PTPN9: variants seen among roughly 807,000 people sequenced by gnomAD.
PTPN9 encodes protein tyrosine phosphatase non-receptor type 9.
A neutral mutation model predicts 69.8 loss-of-function variants in PTPN9; 26 were observed. The observed-to-expected ratio is 0.37, with a 90% CI of 0.27 to 0.52. The LOEUF is 0.52. Among genes scored for constraint, PTPN9 ranks in the 20% least tolerant of loss-of-function variants. The probability of loss-of-function intolerance (pLI) is 0.91; values close to 1 mark genes in which losing one functional copy is unlikely to be tolerated. For missense variants in PTPN9, 549 were observed against 740.3 expected (o/e 0.74, Z 3.00); for synonymous variants, 274 against 272.5 (o/e 1.01, Z -0.05).
At chr15:75,480,333 G>A (rs1198643838) in intron 8 of PTPN9, among the ~76,000 whole-genome samples, 1 of 152,156 alleles carries the variant, frequency 6.6e-6, no homozygotes, top group African/African-American at 2.4e-5. Flanking sequence ...TGCCAGGCGC[G>A]GTGGCTCACG....
chr15:75,539,480 G>A (rs1290671424), intron 1 of PTPN9, among the ~76,000 whole-genome samples: 1 of 148,746 alleles, frequency 6.7e-6, no homozygotes, highest in Admixed American at 6.7e-5. Flanking sequence ...CTTTTTGTGT[G>A]TGTTTTTAGT....
chr15:75,468,960 A>G lies in PTPN9; in HGVS notation c.1591T>C (p.Cys531Arg). ...RTGTFCSLDI[C>R]LAQLEELGTL... The stretch of plus-strand genomic sequence containing the variant: ...CCAAGCTCCTCCAGCTGTGCCAGGC[A>G]GATGTCCAGTGAGCAGAAGGTACCT... Residue 531 changes from cysteine to arginine, a missense_variant, in exon 13 of 13, where the codon TGC (cysteine) becomes CGC (arginine). Around this residue, in one of 3 missense-constraint regions of PTPN9, gnomAD observed 457 missense variants for 661.9 expected, o/e 0.69. Transcript: ENST00000618819. 2 of 1,613,726 alleles carry G rather than the reference A, an allele frequency of 1.2e-6. No individual in the cohort carries two copies. Among genetic ancestry groups the G allele is most frequent in the Non-Finnish European group, 1.7e-6 (2 of 1,179,632 alleles).
chr15:75,511,488 T>A (rs927115881), intron 5 of PTPN9, among the ~76,000 whole-genome samples: 4 of 152,230 alleles, frequency 2.6e-5, no homozygotes, highest in African/African-American at 9.6e-5. Flanking sequence ...TCAAGCAATC[T>A]GCCTGCCTTG....
At chr15:75,557,788 C>T (rs2075083933) in intron 1 of PTPN9, among the ~76,000 whole-genome samples, 1 of 152,166 alleles carries the variant, frequency 6.6e-6, no homozygotes. Flanking sequence ...TGACTATTTT[C>T]CAGCTTCAAA....
chr15:75,568,517 A>AC (rs1567529533), intron 1 of PTPN9, among the ~76,000 whole-genome samples: 1 of 146,082 alleles, frequency 6.8e-6, no homozygotes, highest in Non-Finnish European at 1.5e-5. Flanking sequence ...CAAAAAAAAA[A>AC]AAAAAAACAA....
chr15:75,535,924 A>C (rs1166218722), intron 1 of PTPN9, among the ~76,000 whole-genome samples: 1 of 152,238 alleles, frequency 6.6e-6, no homozygotes, highest in Non-Finnish European at 1.5e-5. Context: ...CAAAAAAGGA[A>C]ACAAATCCAG....
chr15:75,490,571 G>T (rs1359274489), intron 7 of PTPN9, among the ~76,000 whole-genome samples: 2 of 152,020 alleles, frequency 1.3e-5, no homozygotes, highest in Non-Finnish European at 2.9e-5. Flanking sequence ...TTGGGAGGCA[G>T]GAGGATTGCT....
At chr15:75,491,402 C>CAA (rs11414287) in intron 7 of PTPN9, among the ~76,000 whole-genome samples, 1,983 of 132,196 alleles carry the variant, frequency 0.015, 14 homozygotes, top group Middle Eastern at 0.032. Flanking sequence ...GACTTTATCT[C>CAA]AAAAAAAAAA....
chr15:75,567,007 C>A (rs550848993), intron 1 of PTPN9, among the ~76,000 whole-genome samples: 51 of 151,656 alleles, frequency 3.4e-4, no homozygotes, highest in Non-Finnish European at 4.1e-4. Flanking sequence ...TCTAAATAGC[C>A]CATTTTTTTT....
rs779869911 is a variant in PTPN9, at chr15:75,465,982, C to T, written c.*2787G>A. 2 of 152,168 alleles carry T rather than the reference C, an allele frequency of 1.3e-5. No individual in the cohort carries two copies. Among genetic ancestry groups the T allele is most frequent in the Non-Finnish European group, 2.9e-5 (2 of 68,026 alleles). 9.4% of individuals were successfully genotyped at this position (152,168 alleles called of 1,614,324 possible). On this transcript the variant is annotated 3_prime_UTR_variant, in exon 13 of 13. Transcript: ENST00000618819. Reference sequence around the variant, plus strand: ...GTGCACTCCCAAGAGAATGGAGGCTCATCTGGAGAAGGAACTAGATTAATC... The same window carrying T: ...GTGCACTCCCAAGAGAATGGAGGCTTATCTGGAGAAGGAACTAGATTAATC...
At chr15:75,563,242 G>GC (rs1488205299) in intron 1 of PTPN9, among the ~76,000 whole-genome samples, 1 of 152,138 alleles carries the variant, frequency 6.6e-6, no homozygotes, top group Non-Finnish European at 1.5e-5. Flanking sequence ...AGTCTAGAGT[G>GC]CAGTGGTGTA....
intron 1 of PTPN9, among the ~76,000 whole-genome samples, chr15:75,552,405 C>G (rs555780583): frequency 6.6e-6 from 1 of 152,082 alleles, no homozygotes; most frequent in African/African-American, 2.4e-5. Flanking sequence ...GAAACTCCGT[C>G]TCAAAAAAAC....
Position 75,470,730 on chromosome 15 carries a change from C to G in PTPN9, c.1309G>C (p.Glu437Gln). ...GTTTTCTTATAATGATTCATGTTCT[C>G]CACGCCTAGATTGGTCACTGTGAGG... is the stretch of plus-strand genomic sequence containing the variant. ...GFLTVTNLGV[E>Q]NMNHYKKTTL... The change falls in exon 11 of 13, where the codon GAG becomes CAG. Residue 437 changes from glutamate (E) to glutamine (Q), a missense_variant. Around this residue, in one of 3 missense-constraint regions of PTPN9, gnomAD observed 457 missense variants for 661.9 expected, o/e 0.69. Coordinates refer to ENST00000618819, the MANE Select transcript of PTPN9 (RefSeq NM_002833.4). 3 of 1,614,238 alleles carry G rather than the reference C, an allele frequency of 1.9e-6. No homozygotes were observed. The highest frequency in any genetic ancestry group is 2.5e-6 in the Non-Finnish European group (3 of 1,180,044).
intron 4 of PTPN9, among the ~76,000 whole-genome samples, chr15:75,522,812 C>T (rs113535866): frequency 0.033 from 5,082 of 152,216 alleles, 114 homozygotes; most frequent in Non-Finnish European, 0.049. Context: ...CAAAAAGAAC[C>T]AGCACAGGTC....
chr15:75,509,514 C>A (rs1223168213), intron 5 of PTPN9, among the ~76,000 whole-genome samples: 1 of 151,980 alleles, frequency 6.6e-6, no homozygotes, highest in African/African-American at 2.4e-5. Context: ...CATGGTAAAA[C>A]CCATCACTAC....
intron 1 of PTPN9, among the ~76,000 whole-genome samples, chr15:75,569,538 C>T (rs1193056990): frequency 6.6e-6 from 1 of 151,846 alleles, no homozygotes; most frequent in Non-Finnish European, 1.5e-5. Flanking sequence ...AACCCCATCT[C>T]TACAAAAAAT....
intron 1 of PTPN9, among the ~76,000 whole-genome samples, chr15:75,569,946 G>A (rs1043945446): frequency 4.0e-5 from 6 of 151,674 alleles, no homozygotes; most frequent in African/African-American, 4.8e-5. Flanking sequence ...TCAGCCTCCC[G>A]AGTAGCTGGG....
chr15:75,578,704 G>GCTCCATCCC lies in PTPN9; in HGVS notation c.63+9_63+10insGGGATGGAG. ...GACACACCCAACGCGGCGGCCTCGG[G>GCTCCATCCC]CCCGCTTACCTGCTCCTCCTCCGGG... On this transcript the variant is annotated intron_variant, in intron 1 of 12. Coordinates refer to ENST00000618819, the MANE Select transcript of PTPN9 (RefSeq NM_002833.4). 1 of 1,370,688 alleles carries GCTCCATCCC rather than the reference G, an allele frequency of 7.3e-7. No homozygotes were observed. The highest frequency in any genetic ancestry group is 9.4e-7 in the Non-Finnish European group (1 of 1,059,056). The allele number at this position is 1,370,688 out of a possible 1,614,324, so 84.9% of individuals were successfully genotyped here.
At chr15:75,485,706 A>T (rs1345525893) in intron 8 of PTPN9, among the ~76,000 whole-genome samples, 3 of 151,390 alleles carry the variant, frequency 2.0e-5, no homozygotes, top group Non-Finnish European at 4.4e-5. Context: ...TTATTTCTTT[A>T]TAACTAAGAA....
Sources: gnomAD v4.1 joint callset for allele counts (sites outside exome capture counted in the v4.1 genomes callset) on GRCh38, gnomAD v4.1.1 for gene constraint, gnomAD v4.1.1 regional missense constraint, MANE v1.5 for transcripts, NCBI Gene and HGNC (gene_info 2026-07-23, HGNC 2026-07-21) for gene names.